MIGA2: variants seen among roughly 807,000 people sequenced by gnomAD.
MIGA2 encodes mitoguardin 2.
A neutral mutation model predicts 69.9 loss-of-function variants in MIGA2; 36 were observed. The observed-to-expected ratio is 0.52, with a 90% CI of 0.39 to 0.68. The LOEUF (loss-of-function observed/expected upper bound fraction) is 0.68. Ranked by LOEUF, MIGA2 falls within the 30% of genes least tolerant of loss-of-function variation. The pLI, the probability that MIGA2 is intolerant of heterozygous loss-of-function variation, is 0.00. For missense variants in MIGA2, 660 were observed against 787.7 expected (o/e 0.84, Z 1.94); for synonymous variants, 333 against 349.2 (o/e 0.95, Z 0.52).
rs1402920266 is a variant in MIGA2, at chr9:129,036,961, A to G, written c.-144+280A>G. ...GTACCCGATCCGAGGCGGGGAGAGC[A>G]CCCGGGATGGAAGGAGCAGGCGTGC... On this transcript the variant is annotated intron_variant, in intron 1 of 15. Coordinates refer to ENST00000684074, the MANE Select transcript of MIGA2 (RefSeq NM_001329990.2). 4.0e-6 allele frequency: 4 copies of G among 1,002,800 alleles called. No individual in the cohort carries two copies. In the East Asian group the frequency reaches 3.4e-4, roughly 86 times the overall value. 62.1% of individuals were successfully genotyped at this position (1,002,800 alleles called of 1,614,324 possible).
At chr9:129,058,648 C>G (rs1265326528) in intron 6 of MIGA2, among the ~76,000 whole-genome samples, 1 of 151,746 alleles carries the variant, frequency 6.6e-6, no homozygotes, top group African/African-American at 2.4e-5. Context: ...TATAGACACC[C>G]GCCACCACAC....
chr9:129,040,831 G>C, intron 2 of MIGA2, 141 bp downstream of exon 2: 3 of 643,034 alleles, frequency 4.7e-6, no homozygotes, highest in Non-Finnish European at 7.7e-6. Flanking sequence ...TGGGTTTGTT[G>C]TCTGAGGCTT....
chr9:129,051,141 C>T (rs1052893900), intron 6 of MIGA2, among the ~76,000 whole-genome samples: 3 of 151,548 alleles, frequency 2.0e-5, no homozygotes, highest in Admixed American at 6.6e-5. Flanking sequence ...CTGCCTGCCT[C>T]GGCCTCCCAA....
rs1846075197 is a variant in MIGA2, at chr9:129,061,676, A to AT, written c.1010+331dup. On this transcript the variant is annotated intron_variant, in intron 9 of 15. Coordinates refer to ENST00000684074, the MANE Select transcript of MIGA2 (RefSeq NM_001329990.2). This position sits in a 1 kb window ranked among gnomAD's most constrained non-coding sequence, Gnocchi z 5.0. ...AAAAAATTGGAATGATACAGAGAAG[A>AT]TGAACGTGGTCCCGGCATAAGGATA... 6.6e-6 allele frequency among the ~76,000 whole-genome samples: 1 copy of AT among 152,264 alleles called. No individual in the cohort carries two copies. The highest frequency in any genetic ancestry group is 2.1e-4 in the South Asian group (1 of 4,836).
chr9:129,068,047 C>T lies in MIGA2; in HGVS notation c.1270-151C>T. The T allele has an allele frequency of 7.7e-7, 1 of 1,300,964 alleles. No individual in the cohort carries two copies. The highest frequency in any genetic ancestry group is 1.1e-6 in the Non-Finnish European group (1 of 914,410). 80.6% of individuals were successfully genotyped at this position (1,300,964 alleles called of 1,614,324 possible). A position where few individuals can be genotyped will look rare whatever the true frequency, so the allele number is the denominator to read the frequency against. On this transcript the variant is annotated intron_variant, in intron 12 of 15. Coordinates refer to ENST00000684074, the MANE Select transcript of MIGA2 (RefSeq NM_001329990.2). The surrounding 1 kb of genome is among the most constrained non-coding windows in gnomAD (Gnocchi z 4.1). The stretch of plus-strand genomic sequence containing the variant: ...AAGGCAGAGGGAGGAATGGCCTCAG[C>T]TACACCCGTTGCACAGCAGAGCGGG...
At chr9:129,052,849 T>C (rs1386846438) in intron 6 of MIGA2, among the ~76,000 whole-genome samples, 2 of 152,106 alleles carry the variant, frequency 1.3e-5, no homozygotes, top group Non-Finnish European at 2.9e-5. Flanking sequence ...TTGAAGTGAC[T>C]CAAACCCTTG....
chr9:129,054,956 A>G (rs1394095824), intron 6 of MIGA2, among the ~76,000 whole-genome samples: 5 of 152,114 alleles, frequency 3.3e-5, no homozygotes, highest in African/African-American at 7.2e-5. Context: ...CAGTGGCACA[A>G]TCTCGGCTCA....
Position 129,042,325 on chromosome 9 carries a change from T to C in MIGA2, c.118T>C (p.Leu40=). 6.2e-7 allele frequency: 1 copy of C among 1,612,466 alleles called. No individual in the cohort carries two copies. The highest frequency in any genetic ancestry group is 8.5e-7 in the Non-Finnish European group (1 of 1,179,958). The change falls in exon 3 of 16, where the codon TTG becomes CTG. Residue 40 remains leucine (L), a synonymous_variant. Coordinates refer to ENST00000684074, the MANE Select transcript of MIGA2 (RefSeq NM_001329990.2). ...FGQSAFSQLR[L]TPGLRKVLFA... ...GCAGTCTGCATTCTCCCAGCTACGG[T>C]TGACGCCAGGCCTGCGGAAAGTCCT... is the stretch of plus-strand genomic sequence containing the variant.
rs1846628175 is a variant in MIGA2, at chr9:129,070,571, C to T, written c.*118C>T. ...CCTGACTTTGCCCCACCCCCATCATCTGGGAGTCCCCAAGGCCCAGAGGGG... is the reference window on the plus strand; with the variant it reads ...CCTGACTTTGCCCCACCCCCATCATTTGGGAGTCCCCAAGGCCCAGAGGGG... On this transcript the variant is annotated 3_prime_UTR_variant, in exon 16 of 16. Coordinates refer to ENST00000684074, the MANE Select transcript of MIGA2 (RefSeq NM_001329990.2). The T allele has an allele frequency of 2.6e-6, 3 of 1,138,630 alleles. No homozygotes were observed. The highest frequency in any genetic ancestry group is 3.6e-6 in the Non-Finnish European group (3 of 828,410). 70.5% of individuals were successfully genotyped at this position (1,138,630 alleles called of 1,614,324 possible).
chr9:129,063,393 G>A (rs1385116742), intron 10 of MIGA2, 77 bp downstream of exon 10: 14 of 1,576,000 alleles, frequency 8.9e-6, no homozygotes, highest in East Asian at 4.5e-5. Context: ...TGGCATGTAT[G>A]TGGCCTCCTG....
In MIGA2 at chr9:129,042,406, A is replaced by G; in HGVS notation, c.199A>G (p.Arg67Gly). Reference sequence around the variant, plus strand: ...GGCCCTGGCTGCCCACCAGCTGAAGAGGCGACGGAGGAGGAAGAAGCAGGT... The same window carrying G: ...GGCCCTGGCTGCCCACCAGCTGAAGGGGCGACGGAGGAGGAAGAAGCAGGT... ...ALALAAHQLK[R>G]RRRRKKQVGP... Residue 67 changes from arginine to glycine, a missense_variant, in exon 3 of 16, where the codon AGG (arginine) becomes GGG (glycine). Coordinates refer to ENST00000684074, the MANE Select transcript of MIGA2 (RefSeq NM_001329990.2). The G allele has an allele frequency of 2.5e-6, 4 of 1,613,764 alleles. No individual in the cohort carries two copies. Among genetic ancestry groups the G allele is most frequent in the Non-Finnish European group, 3.4e-6 (4 of 1,180,004 alleles).
intron 1 of MIGA2, 133 bp downstream of exon 1, chr9:129,036,814 G>A (rs1038238207): frequency 5.3e-6 from 2 of 375,718 alleles, no homozygotes; most frequent in Admixed American, 1.3e-4. Flanking sequence ...TGGAATGAGT[G>A]GGTACCCGGG....
At chr9:129,054,670 C>CTG (rs1358493813) in intron 6 of MIGA2, among the ~76,000 whole-genome samples, 3 of 152,160 alleles carry the variant, frequency 2.0e-5, no homozygotes, top group African/African-American at 7.2e-5. Context: ...CAAGGTTCAT[C>CTG]TGTGTTGCAG....
intron 3 of MIGA2, among the ~76,000 whole-genome samples, chr9:129,045,619 AAG>A (rs1845179075): frequency 6.6e-6 from 1 of 151,770 alleles, no homozygotes; most frequent in African/African-American, 2.4e-5. Context: ...TAAAAAGAGA[AAG>A]AACATAAATT....
chr9:129,048,020 C>T (rs1454740453), intron 3 of MIGA2, among the ~76,000 whole-genome samples: 5 of 152,104 alleles, frequency 3.3e-5, no homozygotes, highest in African/African-American at 4.8e-5. Context: ...TGTGAGCCAC[C>T]GTGCCCGGCC....
chr9:129,064,133 A>G (rs1453417041), intron 11 of MIGA2, among the ~76,000 whole-genome samples: 1 of 151,786 alleles, frequency 6.6e-6, no homozygotes, highest in African/African-American at 2.4e-5. Context: ...AACTTACATC[A>G]CTGCCAGCAA....
Position 129,061,184 on chromosome 9 carries a change from C to G in MIGA2, c.895-47C>G, listed in dbSNP as rs1564615607. 1 of 1,532,110 alleles carries G rather than the reference C, an allele frequency of 6.5e-7. No individual in the cohort carries two copies. Among genetic ancestry groups the G allele is most frequent in the Non-Finnish European group, 8.9e-7 (1 of 1,119,498 alleles). The allele number at this position is 1,532,110 out of a possible 1,614,324, so 94.9% of individuals were successfully genotyped here. On this transcript the variant is annotated intron_variant, in intron 8 of 15. Coordinates refer to ENST00000684074, the MANE Select transcript of MIGA2 (RefSeq NM_001329990.2). The surrounding 1 kb of genome is among the most constrained non-coding windows in gnomAD (Gnocchi z 5.0). ...GCAGGTGCCCTTGCGCCGTGGCGTG[C>G]TGCTCACATGGGCTTCCCTGGTCTC...
intron 4 of MIGA2, among the ~76,000 whole-genome samples, chr9:129,048,813 A>T (rs889424464): frequency 6.6e-6 from 1 of 152,182 alleles, no homozygotes; most frequent in African/African-American, 2.4e-5. Flanking sequence ...TCAGCCACTG[A>T]CAAGCACCTG....
chr9:129,069,664 T>C lies in MIGA2; in HGVS notation c.1459-185T>C, dbSNP rs1846562638. On this transcript the variant is annotated intron_variant, in intron 14 of 15. Coordinates refer to ENST00000684074, the MANE Select transcript of MIGA2 (RefSeq NM_001329990.2). The surrounding 1 kb of genome is among the most constrained non-coding windows in gnomAD (Gnocchi z 4.9). The stretch of plus-strand genomic sequence containing the variant: ...CTCTTGCAGTACTCACAGCGGCCCA[T>C]GGTTACCCTGTCTGCAGAAGTTAAA... 1.6e-6 allele frequency: 1 copy of C among 631,292 alleles called. No individual in the cohort carries two copies. The highest frequency in any genetic ancestry group is 2.8e-5 in the East Asian group (1 of 36,008). The allele number at this position is 631,292 out of a possible 1,614,324, so 39.1% of individuals were successfully genotyped here. A position where few individuals can be genotyped will look rare whatever the true frequency, so the allele number is the denominator to read the frequency against.
Sources: gnomAD v4.1 joint callset for allele counts (sites outside exome capture counted in the v4.1 genomes callset) on GRCh38, gnomAD v4.1.1 for gene constraint, Gnocchi (gnomAD v3.1) non-coding constraint, MANE v1.5 for transcripts, NCBI Gene and HGNC (gene_info 2026-07-23, HGNC 2026-07-21) for gene names.